Variants in ZFP42 observed in about 807,000 individuals in gnomAD.
ZFP42 encodes the protein zinc finger protein 42 homolog.
For synonymous variants in ZFP42, 175 were observed against 144.6 expected (o/e 1.21, Z -1.51); for missense variants, 438 against 377.1 (o/e 1.16, Z -1.34).
chr4:188,000,617 G>T (rs575401339), intron 3 of ZFP42, among the ~76,000 whole-genome samples: 5 of 152,058 alleles, frequency 3.3e-5, no homozygotes, highest in African/African-American at 1.2e-4. Flanking sequence ...CAGGTGATCC[G>T]CCAGCCTTGT....
chr4:187,998,904 T>C (rs1465394896), intron 1 of ZFP42, among the ~76,000 whole-genome samples: 3 of 151,758 alleles, frequency 2.0e-5, no homozygotes, highest in Non-Finnish European at 2.9e-5. Flanking sequence ...AATAGTTTTC[T>C]TTTAGTAAAT....
Position 187,997,884 on chromosome 4 carries a change from T to C in ZFP42, c.-338-1224T>C, listed in dbSNP as rs549291053. 3.3e-5 allele frequency among the ~76,000 whole-genome samples: 5 copies of C among 152,334 alleles called. No individual in the cohort carries two copies. In the South Asian group the frequency reaches 1.0e-3, roughly 32 times the overall value. On this transcript the variant is annotated intron_variant, in intron 1 of 3. Coordinates refer to ENST00000326866, the MANE Select transcript of ZFP42 (RefSeq NM_174900.5). ...GTAGGCCTAGGCTCATGTGTGTGTT[T>C]GTCTCTTCGTTTTTAACGTAAAAGT...
intron 1 of ZFP42, among the ~76,000 whole-genome samples, chr4:187,998,861 T>C (rs1407825593): frequency 6.6e-6 from 1 of 152,218 alleles, no homozygotes; most frequent in African/African-American, 2.4e-5. Context: ...CATGACTAGT[T>C]ATTTCTGCTA....
Position 188,003,324 on chromosome 4 carries a change from A to G in ZFP42, c.517A>G (p.Arg173Gly), listed in dbSNP as rs201470874. 8.4e-5 allele frequency: 136 copies of G among 1,613,986 alleles called. No individual in the cohort carries two copies. Among genetic ancestry groups the G allele is most frequent in the Admixed American group, 3.8e-4 (23 of 59,974 alleles). Residue 173 changes from arginine to glycine, a missense_variant, in exon 4 of 4, where the codon AGA becomes GGA. Physicochemically the swap from Arg to Gly is moderately radical, Grantham distance 125. Transcript: ENST00000326866. ...TCCTAAACAGCTCGCAGAATTTGCT[A>G]GAAAGAAGCCCCCCATAAATAAAGA... ...SDPKQLAEFA[R>G]KKPPINKEYD...
At chr4:188,002,277 G>C (rs139517400) in intron 3 of ZFP42, among the ~76,000 whole-genome samples, 2,063 of 152,298 alleles carry the variant, frequency 0.014, 53 homozygotes, top group African/African-American at 0.046. Flanking sequence ...GTTTGCCCGA[G>C]TGCCCTATTT....
intron 1 of ZFP42, among the ~76,000 whole-genome samples, chr4:187,996,472 G>A (rs1267681905): frequency 6.6e-6 from 1 of 152,058 alleles, no homozygotes; most frequent in Non-Finnish European, 1.5e-5. Flanking sequence ...CACTGCGCCC[G>A]GCTAATTTTT....
chr4:187,996,348 G>T (rs900791060), intron 1 of ZFP42, among the ~76,000 whole-genome samples: 6 of 151,796 alleles, frequency 4.0e-5, no homozygotes, highest in Admixed American at 3.3e-4. Flanking sequence ...GTCTCGCTCT[G>T]TTGCCAGGCT....
rs767763416 is a variant in ZFP42, at chr4:188,002,994, C to G, written c.187C>G (p.Leu63Val). The change falls in exon 4 of 4, where the codon CTC becomes GTC. Residue 63 changes from leucine to valine, a missense_variant. Coordinates refer to ENST00000326866, the MANE Select transcript of ZFP42 (RefSeq NM_174900.5). ...GTGCTATGAGCCTGGCCCTCAGGCT[C>G]TCGGAGGGGATGATTTCTCAGACTG... is the stretch of plus-strand genomic sequence containing the variant. ...YVCYEPGPQA[L>V]GGDDFSDCYI... 1.5e-5 allele frequency: 25 copies of G among 1,614,004 alleles called. No homozygotes were observed. In the South Asian group the frequency reaches 2.6e-4, roughly 17 times the overall value.
intron 1 of ZFP42, among the ~76,000 whole-genome samples, chr4:187,997,028 ATGGAGCG>A (rs56825807): frequency 0.05 from 3,123 of 61,886 alleles, 99 homozygotes; most frequent in African/African-American, 0.22. Context: ...AGCATGGAGC[ATGGAGCG>A]TGGAGCATGG....
At position 188,002,997 on chromosome 4, in the gene ZFP42, G is replaced by A. The variant is rs201496236; in HGVS notation, c.190G>A (p.Gly64Arg). The A allele has an allele frequency of 1.7e-5, 27 of 1,614,028 alleles. No homozygotes were observed. The highest frequency in any genetic ancestry group is 9.3e-5 in the African/African-American group (7 of 74,908). ...VCYEPGPQAL[G>R]GDDFSDCYIE... is the part of the protein sequence containing the mutation. ...CTATGAGCCTGGCCCTCAGGCTCTC[G>A]GAGGGGATGATTTCTCAGACTGTTA... The change falls in exon 4 of 4, where the codon GGA becomes AGA. Residue 64 changes from glycine to arginine, a missense_variant. Coordinates refer to ENST00000326866, the MANE Select transcript of ZFP42 (RefSeq NM_174900.5).
rs1733714953 is a variant in ZFP42, at chr4:187,999,113, A to G, written c.-333A>G. ...CTTTTTTTTCTGTCACCCAGGTTGG[A>G]GTGCAATGGTGTGATCTCAGCTCAC... is the stretch of plus-strand genomic sequence containing the variant. On this transcript the variant is annotated 5_prime_UTR_variant, in exon 2 of 4. Transcript: ENST00000326866. 1 of 152,066 alleles carries G rather than the reference A, an allele frequency of 6.6e-6. No individual in the cohort carries two copies. The highest frequency in any genetic ancestry group is 6.6e-5 in the Admixed American group (1 of 15,256). 9.4% of individuals were successfully genotyped at this position (152,066 alleles called of 1,614,324 possible).
rs1329680358 is a variant in ZFP42 at position 188,003,188 on chromosome 4, A to G, written c.381A>G (p.Val127=). 4 of 1,613,796 alleles carry G rather than the reference A, an allele frequency of 2.5e-6. No homozygotes were observed. The highest frequency in any genetic ancestry group is 3.4e-6 in the Non-Finnish European group (4 of 1,180,000). ...ECSLEYMKKG[V]KKELPQKIVG... ...CTTTGGAATACATGAAAAAAGGGGT[A>G]AAGAAAGAGCTTCCACAAAAGATAG... is the stretch of plus-strand genomic sequence containing the variant. The change falls in exon 4 of 4, where the codon GTA becomes GTG. Residue 127 remains valine (V), a synonymous_variant. Coordinates refer to ENST00000326866, the MANE Select transcript of ZFP42 (RefSeq NM_174900.5).
intron 1 of ZFP42, among the ~76,000 whole-genome samples, chr4:187,997,391 G>C (rs1273941647): frequency 2.7e-5 from 4 of 150,480 alleles, no homozygotes; most frequent in African/African-American, 9.8e-5. Flanking sequence ...CCGCCACCAC[G>C]CCCGACTAAT....
rs773017022 is a variant in ZFP42, at chr4:188,002,901, T to G, written c.94T>G (p.Ser32Ala). The change falls in exon 4 of 4, where the codon TCA (serine) becomes GCA (alanine). Residue 32 changes from serine (S) to alanine (A), a missense_variant. Coordinates refer to ENST00000326866, the MANE Select transcript of ZFP42 (RefSeq NM_174900.5). Reference sequence around the variant, plus strand: ...TGGGGCTAAGCCCAGGCAAGGCAAGTCAAGCCAAGACCTGCAGGCGGAAAT... The same window carrying G: ...TGGGGCTAAGCCCAGGCAAGGCAAGGCAAGCCAAGACCTGCAGGCGGAAAT... ...PSGAKPRQGKSSQDLQAEIEP... is the reference protein window; with the variant it reads ...PSGAKPRQGKASQDLQAEIEP... 3.7e-6 allele frequency: 6 copies of G among 1,614,036 alleles called. No individual in the cohort carries two copies. The East Asian group carries it at 6.7e-5, about 18-fold the overall frequency.
At chr4:187,996,512 G>A (rs1238493647) in intron 1 of ZFP42, among the ~76,000 whole-genome samples, 1 of 151,830 alleles carries the variant, frequency 6.6e-6, no homozygotes, top group African/African-American at 2.4e-5. Flanking sequence ...GTTTCACCAT[G>A]TTGGTCAGGC....
At chr4:188,000,391 C>T (rs1579119046) in intron 3 of ZFP42, among the ~76,000 whole-genome samples, 1 of 151,052 alleles carries the variant, frequency 6.6e-6, no homozygotes, top group East Asian at 2.0e-4. Flanking sequence ...TTTTTGTTTT[C>T]TTTTTTTTTC....
At position 188,003,571 on chromosome 4, in the gene ZFP42, G is replaced by A. The variant is rs779049681; in HGVS notation, c.764G>A (p.Arg255His). ...TGCACTTTTGAAGGGTGCGGAAAGCGCTTCTCTCTGGACTTTAATTTGCGT... is the reference window on the plus strand; with the variant it reads ...TGCACTTTTGAAGGGTGCGGAAAGCACTTCTCTCTGGACTTTAATTTGCGT... The part of the protein sequence containing the change: ...FRCTFEGCGK[R>H]FSLDFNLRTH... Residue 255 changes from arginine to histidine, a missense_variant, in exon 4 of 4, where the codon CGC becomes CAC. Physicochemically the swap from Arg to His is conservative, Grantham distance 29 (BLOSUM62 0). Coordinates refer to ENST00000326866, the MANE Select transcript of ZFP42 (RefSeq NM_174900.5). The A allele has an allele frequency of 6.2e-7, 1 of 1,613,486 alleles. No homozygotes were observed. Among genetic ancestry groups the A allele is most frequent in the South Asian group, 1.1e-5 (1 of 91,082 alleles).
In ZFP42 at chr4:188,003,701, G is replaced by A; in HGVS notation, c.894G>A (p.Thr298=). 6.2e-7 allele frequency: 1 copy of A among 1,613,378 alleles called. No homozygotes were observed. Among genetic ancestry groups the A allele is most frequent in the South Asian group, 1.1e-5 (1 of 91,070 alleles). The change falls in exon 4 of 4, where the codon ACG becomes ACA. Residue 298 remains threonine (T), a synonymous_variant. Coordinates refer to ENST00000326866, the MANE Select transcript of ZFP42 (RefSeq NM_174900.5). ...ATAACCTGAAAGCCCACATCCTAAC[G>A]CATGCAAATACGAACAAGAATGAAC... The part of the protein sequence containing the change: ...QSNNLKAHIL[T]HANTNKNEQE...
chr4:188,003,419 C>T lies in ZFP42; in HGVS notation c.612C>T (p.Ala204=). The T allele has an allele frequency of 6.2e-7, 1 of 1,614,096 alleles. No homozygotes were observed. The highest frequency in any genetic ancestry group is 1.1e-5 in the South Asian group (1 of 91,078). The change falls in exon 4 of 4, where the codon GCC becomes GCT. Residue 204 remains alanine (A), a synonymous_variant. Transcript: ENST00000326866. ...CTAGGAAGTTGAGGAATAGAGCTGC[C>T]CTGAGAAAGCATCTCCTCATTCATG... ...GCTRKLRNRA[A]LRKHLLIHGP...
Sources: allele counts gnomAD v4.1 joint callset (sites outside exome capture counted in the v4.1 genomes callset), GRCh38; gene constraint gnomAD v4.1.1; transcripts MANE v1.5; gene names NCBI Gene and HGNC (gene_info 2026-07-23, HGNC 2026-07-21).